The following DNAH14 variants were observed in gnomAD, a reference collection of about 807,000 sequenced individuals.
DNAH14 encodes axonemal beta dynein heavy chain 14.
A neutral mutation model predicts 520.9 loss-of-function variants in DNAH14; 478 were observed. The observed-to-expected ratio is 0.92, with a 90% CI of 0.85 to 0.99. DNAH14 has a LOEUF of 0.99. Among genes scored for constraint, DNAH14 ranks in the 50% least tolerant of loss-of-function variants. DNAH14 has a pLI of 0.00. For synonymous variants in DNAH14, 1,581 were observed against 1,757.2 expected (o/e 0.90, Z 2.51); for missense variants, 4,831 against 5,234.5 (o/e 0.92, Z 2.38).
chr1:225,009,891 CTGTT>C (rs778405158), intron 10 of DNAH14, among the ~76,000 whole-genome samples: 36 of 152,252 alleles, frequency 2.4e-4, no homozygotes, highest in South Asian at 6.2e-4. Flanking sequence ...ATTAGGTTCT[CTGTT>C]TGTCTATTAT....
intron 75 of DNAH14, among the ~76,000 whole-genome samples, chr1:225,361,159 C>T (rs909163281): frequency 6.6e-6 from 1 of 152,174 alleles, no homozygotes; most frequent in African/African-American, 2.4e-5. Context: ...AACTCTTACT[C>T]TCAATAGATA....
intron 17 of DNAH14, among the ~76,000 whole-genome samples, chr1:225,058,739 C>T (rs2069540017): frequency 1.3e-5 from 2 of 152,032 alleles, no homozygotes; most frequent in Non-Finnish European, 2.9e-5. Flanking sequence ...TGTCTTTGTT[C>T]TCGTTGGTTT....
chr1:225,180,193 G>T (rs2083809433), intron 36 of DNAH14, among the ~76,000 whole-genome samples: 1 of 152,212 alleles, frequency 6.6e-6, no homozygotes, highest in Non-Finnish European at 1.5e-5. Flanking sequence ...CTTGATATAA[G>T]CATTCTACCC....
At chr1:225,374,612 A>G in intron 77 of DNAH14, 76 bp from the exon 78 acceptor site, 1 of 1,286,170 alleles carries the variant, frequency 7.8e-7, no homozygotes, top group Non-Finnish European at 1.0e-6. Flanking sequence ...TTGAGAGTTG[A>G]TTTTATGTTA....
Position 224,989,152 on chromosome 1 carries a change from TG to T in DNAH14, c.831-13630del, listed in dbSNP as rs538666155. Among the ~76,000 whole-genome samples, 414 of 152,224 alleles carry T rather than the reference TG, an allele frequency of 2.7e-3. 5 individuals are homozygous for T. The highest frequency in any genetic ancestry group is 9.4e-3 in the African/African-American group (391 of 41,504). On this transcript the variant is annotated intron_variant, in intron 8 of 85. Coordinates refer to ENST00000682510, the MANE Select transcript of DNAH14 (RefSeq NM_001367479.1). ...CCCAACCCCTCTGGAGAGGGCAATC[TG>T]TTTTACTCAGTTTACCTACTCAAAT...
At chr1:225,261,366 A>G (rs1423583342) in intron 46 of DNAH14, among the ~76,000 whole-genome samples, 1 of 152,104 alleles carries the variant, frequency 6.6e-6, no homozygotes, top group Non-Finnish European at 1.5e-5. Flanking sequence ...AATTTTGTCA[A>G]ATGCTTCGTC....
chr1:225,354,011 G>A lies in DNAH14; in HGVS notation c.11619+123G>A, dbSNP rs552250308. ...TATTTTTAAAGTACATTTCGTGAACGTTAATAGGAGAGGGAAGCACCTACG... is the reference window on the plus strand; with the variant it reads ...TATTTTTAAAGTACATTTCGTGAACATTAATAGGAGAGGGAAGCACCTACG... On this transcript the variant is annotated intron_variant, in intron 73 of 85. Coordinates refer to ENST00000682510, the MANE Select transcript of DNAH14 (RefSeq NM_001367479.1). The A allele has an allele frequency of 6.7e-4, 456 of 678,108 alleles. 4 individuals carry two copies. Among genetic ancestry groups the A allele is most frequent in the South Asian group, 3.5e-3 (195 of 55,092 alleles). 42.0% of individuals were successfully genotyped at this position (678,108 alleles called of 1,614,324 possible).
At position 225,252,328 on chromosome 1, in the gene DNAH14, C is replaced by A; in HGVS notation, c.6776C>A (p.Ser2259Tyr). The change falls in exon 44 of 86, where the codon TCC becomes TAC. Residue 2259 changes from serine to tyrosine, a missense_variant. By Grantham distance (144) the Ser-to-Tyr change is moderately radical (BLOSUM62 -2). Coordinates refer to ENST00000682510, the MANE Select transcript of DNAH14 (RefSeq NM_001367479.1). ...VGINLPTGECSIFGYFVDIEQ... is the reference protein window; with the variant it reads ...VGINLPTGECYIFGYFVDIEQ... ...ATCAACCTACCAACTGGTGAATGTT[C>A]CATCTTTGGATATTTTGTGGATATA... 1 of 1,549,404 alleles carries A rather than the reference C, an allele frequency of 6.5e-7. No individual in the cohort carries two copies. The highest frequency in any genetic ancestry group is 8.7e-7 in the Non-Finnish European group (1 of 1,145,634).
chr1:224,958,983 T>G (rs1208290018), intron 3 of DNAH14, among the ~76,000 whole-genome samples: 1 of 152,038 alleles, frequency 6.6e-6, no homozygotes, highest in Non-Finnish European at 1.5e-5. Flanking sequence ...TTGGAAGTGG[T>G]GAATGGAGAG....
chr1:224,943,881 C>G (rs188875796), intron 1 of DNAH14, among the ~76,000 whole-genome samples: 1 of 152,080 alleles, frequency 6.6e-6, no homozygotes, highest in African/African-American at 2.4e-5. Context: ...AATTTCTGTT[C>G]TTTTACATTT....
chr1:225,369,729 C>T (rs779138468), intron 77 of DNAH14, among the ~76,000 whole-genome samples: 2 of 152,072 alleles, frequency 1.3e-5, no homozygotes, highest in Non-Finnish European at 2.9e-5. Context: ...AACTGTTACA[C>T]AACTCAGTCA....
At chr1:225,168,958 G>A (rs1432930675) in intron 36 of DNAH14, among the ~76,000 whole-genome samples, 1 of 152,150 alleles carries the variant, frequency 6.6e-6, no homozygotes, top group Non-Finnish European at 1.5e-5. Flanking sequence ...AAAACTTCCA[G>A]AGGAACGATC....
chr1:225,052,621 T>G (rs1330329647), intron 17 of DNAH14, among the ~76,000 whole-genome samples: 1 of 152,154 alleles, frequency 6.6e-6, no homozygotes, highest in East Asian at 1.9e-4. Flanking sequence ...AAATGCTAGC[T>G]GAAATACCTA....
At chr1:225,246,105 C>CAA (rs140007042) in intron 43 of DNAH14, among the ~76,000 whole-genome samples, 7,184 of 77,500 alleles carry the variant, frequency 0.093, 435 homozygotes, top group East Asian at 0.25. Flanking sequence ...ACAAACCTGG[C>CAA]AAAAAAAAAA....
chr1:225,330,165 A>G (rs560360055), intron 64 of DNAH14, among the ~76,000 whole-genome samples: 1 of 152,246 alleles, frequency 6.6e-6, no homozygotes, highest in Non-Finnish European at 1.5e-5. Context: ...AAATGCTGAC[A>G]GGGATGTGGA....
chr1:225,215,807 T>A (rs1328735847), intron 41 of DNAH14, among the ~76,000 whole-genome samples: 2 of 152,192 alleles, frequency 1.3e-5, no homozygotes, highest in Non-Finnish European at 2.9e-5. Flanking sequence ...ATGAGATGGG[T>A]ATCCTGAATA....
intron 9 of DNAH14, among the ~76,000 whole-genome samples, chr1:225,006,910 A>G (rs1304535988): frequency 2.6e-5 from 4 of 152,054 alleles, no homozygotes; most frequent in African/African-American, 9.7e-5. Flanking sequence ...CCGATATGTG[A>G]TGTCACCCCC....
intron 7 of DNAH14, 45 bp downstream of exon 7, chr1:224,968,919 T>C (rs1403921284): frequency 1.5e-6 from 2 of 1,338,436 alleles, no homozygotes; most frequent in Non-Finnish European, 2.1e-6. Flanking sequence ...TTTGATCCTA[T>C]TGAAGGAGCA....
chr1:225,275,768 G>A (rs1231859388), intron 52 of DNAH14, 146 bp from the exon 53 acceptor site: 1 of 171,210 alleles, frequency 5.8e-6, no homozygotes, highest in Non-Finnish European at 1.4e-5. Context: ...ACCAAGAGGA[G>A]TTTATAGCAC....
Sources: allele counts gnomAD v4.1 joint callset (sites outside exome capture counted in the v4.1 genomes callset), GRCh38; gene constraint gnomAD v4.1.1; transcripts MANE v1.5; gene names NCBI Gene and HGNC (gene_info 2026-07-23, HGNC 2026-07-21).